METTL5: variants seen among roughly 807,000 people sequenced by gnomAD.
METTL5 encodes rRNA N(6)-adenosine-methyltransferase METTL5.
METTL5 carries 28 observed loss-of-function variants against 26.5 expected under a neutral mutation model. The ratio of observed to expected loss-of-function variants is 1.06; its 90% confidence interval spans 0.78 to 1.45. The LOEUF is 1.45. METTL5 is among the 40% of genes most tolerant of loss of function. The probability of loss-of-function intolerance (pLI) is 0.00; values close to 1 mark genes in which losing one functional copy is unlikely to be tolerated. For missense variants in METTL5, 231 were observed against 249.9 expected (o/e 0.92, Z 0.51); for synonymous variants, 86 against 82.6 (o/e 1.04, Z -0.22).
At chr2:169,814,943 G>T (rs13403981) in intron 5 of METTL5, among the ~76,000 whole-genome samples, 1 of 151,690 alleles carries the variant, frequency 6.6e-6, no homozygotes. Context: ...CCAGGCTGAA[G>T]AACAGTGGTG....
chr2:169,824,350 AG>A, intron 1 of METTL5, 138 bp downstream of exon 1: 2 of 666,312 alleles, frequency 3.0e-6, no homozygotes, highest in South Asian at 1.7e-5. Context: ...GTGTCAAGGA[AG>A]GCCTCTCTAA....
chr2:169,818,047 T>C (rs1051987329), intron 4 of METTL5, among the ~76,000 whole-genome samples: 17 of 152,116 alleles, frequency 1.1e-4, no homozygotes, highest in African/African-American at 4.1e-4. Context: ...AGCCTCCCAC[T>C]CCCTACTCCC....
intron 5 of METTL5, 60 bp from the exon 6 acceptor site, chr2:169,812,566 CTAAA>C (rs1278007025): frequency 1.3e-6 from 2 of 1,546,672 alleles, no homozygotes; most frequent in Admixed American, 3.8e-5. Context: ...CCACCCTTGA[CTAAA>C]CAACAACAAC....
chr2:169,812,564 G>A (rs1690009503), intron 5 of METTL5, 58 bp from the exon 6 acceptor site: 1 of 1,555,972 alleles, frequency 6.4e-7, no homozygotes, highest in Admixed American at 1.9e-5. Context: ...TACCACCCTT[G>A]ACTAAACAAC....
In METTL5 at chr2:169,821,027, G is replaced by A. The variant is rs2081576694; in HGVS notation, c.406+65C>T. 3 of 1,351,500 alleles carry A rather than the reference G, an allele frequency of 2.2e-6. No homozygotes were observed. The South Asian group carries it at 4.4e-5, about 20-fold the overall frequency. 83.7% of individuals were successfully genotyped at this position (1,351,500 alleles called of 1,614,324 possible). ...TTACACGCCTGAGCCACTGCGCCTG[G>A]CCTTAAAAATGGTTTTAAAATCTTT... On this transcript the variant is annotated intron_variant, in intron 3 of 6. Coordinates refer to ENST00000260953, the MANE Select transcript of METTL5 (RefSeq NM_014168.4).
At chr2:169,821,003 T>G (rs550530004) in intron 3 of METTL5, 89 bp downstream of exon 3, 1 of 1,106,768 alleles carries the variant, frequency 9.0e-7, no homozygotes, top group African/African-American at 1.6e-5. Context: ...GCACTGGCAT[T>G]ACACGCCTGA....
chr2:169,822,186 A>T, intron 1 of METTL5, 129 bp from the exon 2 acceptor site: 5 of 1,318,200 alleles, frequency 3.8e-6, no homozygotes, highest in Non-Finnish European at 5.0e-6. Context: ...ATTCCAGATT[A>T]TTTTTGTAAA....
At chr2:169,821,006 A>G in intron 3 of METTL5, 86 bp downstream of exon 3, 1 of 1,128,488 alleles carries the variant, frequency 8.9e-7, no homozygotes, top group Non-Finnish European at 1.3e-6. Flanking sequence ...CTGGCATTAC[A>G]CGCCTGAGCC....
chr2:169,824,418 T>C, intron 1 of METTL5, 71 bp downstream of exon 1: 2 of 1,171,000 alleles, frequency 1.7e-6, no homozygotes, highest in East Asian at 2.3e-5. Flanking sequence ...TCCAAATAAC[T>C]GTTCTATTTT....
rs900432629 is a variant in METTL5 at position 169,814,893 on chromosome 2, G to T, written c.541+584C>A. On this transcript the variant is annotated intron_variant, in intron 5 of 6. Transcript: ENST00000260953. ...CCCGGCCCACTTTTTTTTTTCATTTGTTTGTTTTTGTTTTTTTGAGACTGA... is the reference window on the plus strand; with the variant it reads ...CCCGGCCCACTTTTTTTTTTCATTTTTTTGTTTTTGTTTTTTTGAGACTGA... 9.4e-5 allele frequency among the ~76,000 whole-genome samples: 14 copies of T among 149,432 alleles called. No homozygotes were observed. The South Asian group carries it at 2.7e-3, about 29-fold the overall frequency.
intron 3 of METTL5, among the ~76,000 whole-genome samples, chr2:169,820,450 A>T (rs1352925427): frequency 6.6e-6 from 1 of 152,244 alleles, no homozygotes; most frequent in Non-Finnish European, 1.5e-5. Flanking sequence ...CATAAGGGTT[A>T]GGCAAATTAT....
At chr2:169,815,372 G>C (rs1573968068) in intron 5 of METTL5, 105 bp downstream of exon 5, 8 of 715,954 alleles carry the variant, frequency 1.1e-5, no homozygotes, top group Non-Finnish European at 1.9e-5. Flanking sequence ...TGCACATTTT[G>C]CCACACTGTA....
chr2:169,822,937 T>C (rs759516392), intron 1 of METTL5, among the ~76,000 whole-genome samples: 24 of 152,206 alleles, frequency 1.6e-4, no homozygotes, highest in Non-Finnish European at 2.9e-4. Flanking sequence ...TGAAGATATC[T>C]GAACCCAGCA....
chr2:169,820,306 C>A (rs2081567425), intron 3 of METTL5, among the ~76,000 whole-genome samples: 1 of 152,144 alleles, frequency 6.6e-6, no homozygotes, highest in Non-Finnish European at 1.5e-5. Context: ...CCTCCTTGCC[C>A]ACAGTACACA....
chr2:169,817,725 T>G (rs1406256534), intron 4 of METTL5, among the ~76,000 whole-genome samples: 2 of 114,732 alleles, frequency 1.7e-5, no homozygotes, highest in African/African-American at 3.5e-5. Flanking sequence ...CGAGAACACA[T>G]GGACACAGGG....
At chr2:169,819,044 C>T (rs1480594791) in intron 4 of METTL5, among the ~76,000 whole-genome samples, 4 of 152,332 alleles carry the variant, frequency 2.6e-5, no homozygotes, top group African/African-American at 9.6e-5. Context: ...TTGTGTTATA[C>T]TGACACTAAA....
chr2:169,815,423 G>A, intron 5 of METTL5, 54 bp downstream of exon 5: 1 of 1,343,046 alleles, frequency 7.4e-7, no homozygotes, highest in Non-Finnish European at 1.0e-6. Context: ...GAAAATTTTG[G>A]TTGGGCGAAT....
chr2:169,824,798 G>A lies in METTL5; in HGVS notation c.-201C>T, dbSNP rs2081631698. ...CTGACCCACCTCCCGGCTAACCCAAGCCGCCCCAGGAGACGGCGGCGGCGC... is the reference window on the plus strand; with the variant it reads ...CTGACCCACCTCCCGGCTAACCCAAACCGCCCCAGGAGACGGCGGCGGCGC... On this transcript the variant is annotated 5_prime_UTR_variant, in exon 1 of 7. Transcript: ENST00000260953. 1 of 498,446 alleles carries A rather than the reference G, an allele frequency of 2.0e-6. No individual in the cohort carries two copies. The highest frequency in any genetic ancestry group is 3.3e-5 in the Admixed American group (1 of 30,710). 30.9% of individuals were successfully genotyped at this position (498,446 alleles called of 1,614,324 possible). A position where few individuals can be genotyped will look rare whatever the true frequency, so the allele number is the denominator to read the frequency against.
intron 6 of METTL5, 130 bp downstream of exon 6, chr2:169,812,327 G>T: frequency 6.6e-7 from 1 of 1,521,778 alleles, no homozygotes. Context: ...TGCAACCTCT[G>T]CCTCCTGAGT....
Sources: allele counts gnomAD v4.1 joint callset (sites outside exome capture counted in the v4.1 genomes callset), GRCh38; gene constraint gnomAD v4.1.1; transcripts MANE v1.5; gene names NCBI Gene and HGNC (gene_info 2026-07-23, HGNC 2026-07-21).